The following SLC35B4 variants were observed in gnomAD, a reference collection of about 807,000 sequenced individuals.
SLC35B4 encodes the protein nucleotide sugar transporter SLC35B4.
A neutral mutation model predicts 39.5 loss-of-function variants in SLC35B4; 28 were observed. The ratio of observed to expected loss-of-function variants is 0.71; its 90% CI spans 0.53 to 0.97. The LOEUF is 0.97. SLC35B4 is among the 50% of genes least tolerant of loss of function. SLC35B4 has a pLI of 0.00. For synonymous variants in SLC35B4, 145 were observed against 150.4 expected, an observed-to-expected ratio of 0.96 and a Z score of 0.26; for missense variants, 334 against 414.3, an observed-to-expected ratio of 0.81 and a Z score of 1.68.
Position 134,313,882 on chromosome 7 carries a change from G to C in SLC35B4, c.77+2793C>G, listed in dbSNP as rs141451694. ...ACCTTAAGGCCATCTGGTTCAACTA[G>C]CTCTTATTTTATTGATCTGTAACAC... On this transcript the variant is annotated intron_variant, in intron 1 of 9. Transcript: ENST00000378509. 6.9e-3 allele frequency among the ~76,000 whole-genome samples: 1,057 copies of C among 152,244 alleles called. 13 individuals are homozygous for C. The highest frequency in any genetic ancestry group is 0.019 in the African/African-American group (780 of 41,538).
At chr7:134,297,575 A>T (rs1244585247) in intron 8 of SLC35B4, among the ~76,000 whole-genome samples, 1 of 150,814 alleles carries the variant, frequency 6.6e-6, no homozygotes, top group Non-Finnish European at 1.5e-5. Context: ...GCCACATAAA[A>T]AAAACTCAGA....
intron 4 of SLC35B4, among the ~76,000 whole-genome samples, chr7:134,303,908 C>T (rs1585639565): frequency 6.6e-6 from 1 of 152,280 alleles, no homozygotes; most frequent in African/African-American, 2.4e-5. Flanking sequence ...TCCTGTCCCC[C>T]CTGCTCCTGT....
rs150711781 is a variant in SLC35B4 at position 134,290,167 on chromosome 7, G to T, written c.*4666C>A. 6.6e-6 allele frequency: 1 copy of T among 152,196 alleles called. No individual in the cohort carries two copies. Among genetic ancestry groups the T allele is most frequent in the South Asian group, 2.1e-4 (1 of 4,828 alleles). 9.4% of individuals were successfully genotyped at this position (152,196 alleles called of 1,614,324 possible). On this transcript the variant is annotated 3_prime_UTR_variant, in exon 10 of 10. Coordinates refer to ENST00000378509, the MANE Select transcript of SLC35B4 (RefSeq NM_032826.5). ...TCTTCCTGAGCATCAAATATGTAAG[G>T]TGCTAACTACATAATACTCTTCCCT...
chr7:134,317,852 A>G (rs1563221550), upstream of SLC35B4, among the ~76,000 whole-genome samples: 1 of 148,982 alleles, frequency 6.7e-6, no homozygotes, highest in Non-Finnish European at 1.5e-5. Context: ...TCCACCCAGC[A>G]AGACTAGTTT....
chr7:134,290,171 T>TA lies in SLC35B4; in HGVS notation c.*4661dup, dbSNP rs1282714889. 6.6e-6 allele frequency: 1 copy of TA among 152,246 alleles called. No individual in the cohort carries two copies. Among genetic ancestry groups the TA allele is most frequent in the Non-Finnish European group, 1.5e-5 (1 of 68,062 alleles). 9.4% of individuals were successfully genotyped at this position (152,246 alleles called of 1,614,324 possible). A position where few individuals can be genotyped will look rare whatever the true frequency, so the allele number is the denominator to read the frequency against. On this transcript the variant is annotated 3_prime_UTR_variant, in exon 10 of 10. Coordinates refer to ENST00000378509, the MANE Select transcript of SLC35B4 (RefSeq NM_032826.5). ...CCTGAGCATCAAATATGTAAGGTGC[T>TA]AACTACATAATACTCTTCCCTTCTA...
At chr7:134,317,257 C>A (rs988838835), upstream of SLC35B4, among the ~76,000 whole-genome samples, 1 of 152,220 alleles carries the variant, frequency 6.6e-6, no homozygotes, top group Admixed American at 6.5e-5. Flanking sequence ...GCTGTGACTG[C>A]TCGTTGGAGG....
chr7:134,295,491 G>C (rs557650170), intron 9 of SLC35B4, among the ~76,000 whole-genome samples: 1 of 151,988 alleles, frequency 6.6e-6, no homozygotes, highest in Non-Finnish European at 1.5e-5. Flanking sequence ...GGTCAATCTC[G>C]ATTCGTTTCA....
chr7:134,292,282 A>G lies in SLC35B4; in HGVS notation c.*2551T>C, dbSNP rs1341073770. On this transcript the variant is annotated 3_prime_UTR_variant, in exon 10 of 10. Coordinates refer to ENST00000378509, the MANE Select transcript of SLC35B4 (RefSeq NM_032826.5). ...TTTTTTTTTTAAAGAGTAGTTTTAAAAAGTATTAACTGGTGTCCATTAGAC... is the reference window on the plus strand; with the variant it reads ...TTTTTTTTTTAAAGAGTAGTTTTAAGAAGTATTAACTGGTGTCCATTAGAC... 3.3e-5 allele frequency: 5 copies of G among 153,134 alleles called. No homozygotes were observed. In the South Asian group the frequency reaches 1.0e-3, roughly 32 times the overall value. 9.5% of individuals were successfully genotyped at this position (153,134 alleles called of 1,614,324 possible).
At chr7:134,303,104 G>A (rs534855433) in intron 4 of SLC35B4, among the ~76,000 whole-genome samples, 131 of 152,232 alleles carry the variant, frequency 8.6e-4, no homozygotes, top group Middle Eastern at 6.8e-3. Context: ...AACTTGAGGG[G>A]CTTCTACCCA....
chr7:134,319,237 A>T (rs1013910301), upstream of SLC35B4, among the ~76,000 whole-genome samples: 3 of 152,220 alleles, frequency 2.0e-5, no homozygotes, highest in African/African-American at 7.2e-5. Flanking sequence ...TCAGCTTCTT[A>T]AACTACTCTG....
chr7:134,300,398 TAA>T, intron 6 of SLC35B4, 137 bp from the exon 7 acceptor site: 1 of 564,644 alleles, frequency 1.8e-6, no homozygotes. Flanking sequence ...TAAAAAGAAA[TAA>T]AAATACATTA....
chr7:134,295,837 G>C (rs2544212), intron 9 of SLC35B4, among the ~76,000 whole-genome samples: 9,595 of 152,004 alleles, frequency 0.063, 856 homozygotes, highest in African/African-American at 0.19. Context: ...GTAGTTCTTT[G>C]TTTGTTTTTT....
At chr7:134,320,297 C>A (rs760779521), upstream of SLC35B4, among the ~76,000 whole-genome samples, 4 of 152,144 alleles carry the variant, frequency 2.6e-5, no homozygotes, top group Non-Finnish European at 5.9e-5. Flanking sequence ...AGGAGCAAGT[C>A]TCTTGACATG....
At chr7:134,310,879 C>T (rs545587608) in intron 1 of SLC35B4, among the ~76,000 whole-genome samples, 106 of 152,262 alleles carry the variant, frequency 7.0e-4, no homozygotes, top group South Asian at 1.0e-3. Context: ...AGGCATTTAC[C>T]TGAAGCTGGT....
intron 8 of SLC35B4, among the ~76,000 whole-genome samples, chr7:134,297,243 T>A (rs1379810509): frequency 6.6e-6 from 1 of 152,176 alleles, no homozygotes; most frequent in Non-Finnish European, 1.5e-5. Context: ...ATAAATAATA[T>A]CTTAATCTGG....
At chr7:134,306,577 T>TA in intron 3 of SLC35B4, 95 bp downstream of exon 3, 1 of 984,498 alleles carries the variant, frequency 1.0e-6, no homozygotes, top group South Asian at 1.8e-5. Flanking sequence ...CAAGACCACT[T>TA]ACTACAAGAA....
At chr7:134,311,916 C>T (rs77984188) in intron 1 of SLC35B4, among the ~76,000 whole-genome samples, 3,996 of 152,240 alleles carry the variant, frequency 0.026, 114 homozygotes, top group African/African-American at 0.067. Context: ...AACCACTATG[C>T]TCCACTGTGC....
chr7:134,313,889 T>C (rs1026560211), intron 1 of SLC35B4, among the ~76,000 whole-genome samples: 2 of 152,208 alleles, frequency 1.3e-5, no homozygotes, highest in African/African-American at 4.8e-5. Context: ...CTAGCTCTTA[T>C]TTTATTGATC....
intron 8 of SLC35B4, 171 bp downstream of exon 8, chr7:134,299,352 C>A: frequency 2.6e-5 from 13 of 503,500 alleles, no homozygotes; most frequent in South Asian, 7.0e-5. Flanking sequence ...TTGAGAAACC[C>A]CTGTAAAAGC....
Sources: allele counts gnomAD v4.1 joint callset (sites outside exome capture counted in the v4.1 genomes callset), GRCh38; gene constraint gnomAD v4.1.1; transcripts MANE v1.5; gene names NCBI Gene and HGNC (gene_info 2026-07-23, HGNC 2026-07-21).